The following NFATC4 variants were observed in gnomAD, a reference collection of about 807,000 sequenced individuals.
NFATC4 encodes nuclear factor of activated T-cells, cytoplasmic 4.
In NFATC4, 25 loss-of-function variants were observed where a neutral mutation model predicts 73.4. The ratio of observed to expected loss-of-function variants is 0.34; its 90% CI spans 0.25 to 0.48. NFATC4 has a LOEUF of 0.48. Among genes scored for constraint, NFATC4 ranks in the 20% least tolerant of loss-of-function variants. NFATC4 has a pLI of 0.99. For synonymous variants in NFATC4, 523 were observed against 510.3 expected (o/e 1.02, Z -0.34); for missense variants, 1,130 against 1,203.7 (o/e 0.94, Z 0.91).
At chr14:24,368,175 G>T, upstream of NFATC4, 1 of 1,256,600 alleles carries the variant, frequency 8.0e-7, no homozygotes. Context: ...AAAAAGTTTG[G>T]AAAAGTTTCT....
At position 24,370,339 on chromosome 14, in the gene NFATC4, C is replaced by T. The variant is rs201320818; in HGVS notation, c.941C>T (p.Pro314Leu). The change falls in exon 2 of 10, where the codon CCC becomes CTC. Residue 314 changes from proline (P) to leucine (L), a missense_variant. Coordinates refer to ENST00000250373, the MANE Select transcript of NFATC4 (RefSeq NM_004554.5). ...PLARDPGSPG[P>L]FDYVGAPPAE... The stretch of plus-strand genomic sequence containing the variant: ...GCCCGGGACCCGGGCTCCCCTGGTC[C>T]CTTTGACTATGTGGGGGCCCCACCA... 9 of 1,613,548 alleles carry T rather than the reference C, an allele frequency of 5.6e-6. No individual in the cohort carries two copies. Among genetic ancestry groups the T allele is most frequent in the Non-Finnish European group, 7.6e-6 (9 of 1,179,808 alleles).
intron 3 of NFATC4, 85 bp downstream of exon 3, chr14:24,372,688 C>T (rs2042505071): frequency 6.5e-7 from 1 of 1,538,442 alleles, no homozygotes; most frequent in South Asian, 1.1e-5. Context: ...TGCCCTTTCC[C>T]ACACTCCCTC....
At chr14:24,367,502 A>T (rs1469022461), upstream of NFATC4, 15 of 1,535,160 alleles carry the variant, frequency 9.8e-6, 1 homozygote, top group South Asian at 9.5e-5. Context: ...GCCTAGGGAC[A>T]GTTCTCAAAG....
At position 24,369,544 on chromosome 14, in the gene NFATC4, G is replaced by C; in HGVS notation, c.146G>C (p.Gly49Ala). The C allele has an allele frequency of 6.2e-7, 1 of 1,610,122 alleles. No homozygotes were observed. The highest frequency in any genetic ancestry group is 8.5e-7 in the Non-Finnish European group (1 of 1,177,380). The change falls in exon 2 of 10, where the codon GGA becomes GCA. Residue 49 changes from glycine to alanine, a missense_variant. Gly to Ala is a moderately conservative substitution (Grantham distance 60, BLOSUM62 0). Around this residue, in one of 3 missense-constraint regions of NFATC4, gnomAD observed 585 missense variants for 574.3 expected, o/e 1.02. Coordinates refer to ENST00000250373, the MANE Select transcript of NFATC4 (RefSeq NM_004554.5). ...CCGCCATGCTGCCGTCTGGCCTTGG[G>C]AGAGCCCCCTCCCTATGGCGCTGCA... The part of the protein sequence containing the change: ...DAPPCCRLAL[G>A]EPPPYGAAPI...
rs773487308 is a variant in NFATC4, at chr14:24,376,067, A to T, written c.2022A>T (p.Lys674Asn). The T allele has an allele frequency of 3.1e-6, 5 of 1,614,000 alleles. No homozygotes were observed. The East Asian group carries it at 1.1e-4, about 36-fold the overall frequency. ...TTTATGTCTCCAATGGGCGGAGGAA[A>T]CGCAGTCCTACCCAGAGTTTCAGGT... ...VYFYVSNGRR[K>N]RSPTQSFRFL... Residue 674 changes from lysine to asparagine, a missense_variant, in exon 8 of 10, where the codon AAA (lysine) becomes AAT (asparagine). Lys to Asn is a moderately conservative substitution (Grantham distance 94, BLOSUM62 0). Coordinates refer to ENST00000250373, the MANE Select transcript of NFATC4 (RefSeq NM_004554.5). The surrounding 1 kb of genome is among the most constrained non-coding windows in gnomAD (Gnocchi z 5.0).
In NFATC4 at chr14:24,377,094, C is replaced by G. The variant is rs1412804855; in HGVS notation, c.2641+216C>G. On this transcript the variant is annotated intron_variant, in intron 9 of 9. Transcript: ENST00000250373. The surrounding 1 kb of genome is among the most constrained non-coding windows in gnomAD (Gnocchi z 4.2). ...GCATGGGGTAACTGTCTCAGCCTTT[C>G]TCCTGTCTCTGCCTCTGTCCTCTGC... is the stretch of plus-strand genomic sequence containing the variant. The G allele has an allele frequency of 8.3e-6, 11 of 1,322,812 alleles. No homozygotes were observed. The Admixed American group carries it at 2.2e-4, about 26-fold the overall frequency. 81.9% of individuals were successfully genotyped at this position (1,322,812 alleles called of 1,614,324 possible). A position where few individuals can be genotyped will look rare whatever the true frequency, so the allele number is the denominator to read the frequency against.
At chr14:24,375,575 C>G (rs1030581776) in intron 6 of NFATC4, 85 bp from the exon 7 acceptor site, 5 of 1,479,474 alleles carry the variant, frequency 3.4e-6, no homozygotes, top group Non-Finnish European at 4.6e-6. Flanking sequence ...GGCCTTGGCT[C>G]TAACAGGAGG....
chr14:24,373,881 C>G lies in NFATC4; in HGVS notation c.1732+14C>G. The G allele has an allele frequency of 3.7e-6, 6 of 1,613,852 alleles. No homozygotes were observed. Among genetic ancestry groups the G allele is most frequent in the Non-Finnish European group, 3.4e-6 (4 of 1,179,988 alleles). ...CCATCGAGTGCTGTGAGCAAAGAGG[C>G]CCTGGGCCATGTCTCTGTCTCTTGC... On this transcript the variant is annotated intron_variant, in intron 5 of 9. Coordinates refer to ENST00000250373, the MANE Select transcript of NFATC4 (RefSeq NM_004554.5). The surrounding 1 kb of genome is among the most constrained non-coding windows in gnomAD (Gnocchi z 4.7).
Position 24,379,002 on chromosome 14 carries a change from T to G in NFATC4, c.*1297T>G, listed in dbSNP as rs1314538926. 1 of 152,266 alleles carries G rather than the reference T, an allele frequency of 6.6e-6. No individual in the cohort carries two copies. The highest frequency in any genetic ancestry group is 2.4e-5 in the African/African-American group (1 of 41,426). 9.4% of individuals were successfully genotyped at this position (152,266 alleles called of 1,614,324 possible). A position where few individuals can be genotyped will look rare whatever the true frequency, so the allele number is the denominator to read the frequency against. ...AGGCTTGGCTGCAGGGGGACGTGCCTAAAAGACATTCCGGGCATTTGCACT... is the reference window on the plus strand; with the variant it reads ...AGGCTTGGCTGCAGGGGGACGTGCCGAAAAGACATTCCGGGCATTTGCACT... On this transcript the variant is annotated 3_prime_UTR_variant, in exon 10 of 10. Transcript: ENST00000250373.
chr14:24,369,145 T>C (rs888991405), intron 1 of NFATC4: 3 of 1,449,754 alleles, frequency 2.1e-6, no homozygotes, highest in Non-Finnish European at 2.7e-6. Context: ...CCGCTGCTAA[T>C]TGGGTTCATG....
Position 24,370,120 on chromosome 14 carries a change from G to T in NFATC4, c.722G>T (p.Arg241Leu). The T allele has an allele frequency of 6.2e-7, 1 of 1,603,472 alleles. No individual in the cohort carries two copies. The highest frequency in any genetic ancestry group is 8.5e-7 in the Non-Finnish European group (1 of 1,179,578). ...CTGTATGGTCCAAGCCCCGGAGGCC[G>T]AGGGCCAGAGGATAGCTGGCTACTC... ...WSLYGPSPGGRGPEDSWLLLS... is the reference protein window; with the variant it reads ...WSLYGPSPGGLGPEDSWLLLS... Residue 241 changes from arginine (R) to leucine (L), a missense_variant, in exon 2 of 10, where the codon CGA becomes CTA. By Grantham distance (102) the Arg-to-Leu change is moderately radical. Transcript: ENST00000250373.
At position 24,379,138 on chromosome 14, in the gene NFATC4, C is replaced by G. The variant is rs2042705237; in HGVS notation, c.*1433C>G. ...GGGGTGGGTGTGACAGAGGCTGGCT[C>G]TGGATTGGGGGACAACAGAACCAGA... is the stretch of plus-strand genomic sequence containing the variant. On this transcript the variant is annotated 3_prime_UTR_variant, in exon 10 of 10. Transcript: ENST00000250373. 6.6e-6 allele frequency: 1 copy of G among 152,376 alleles called. No individual in the cohort carries two copies. The highest frequency in any genetic ancestry group is 6.5e-5 in the Admixed American group (1 of 15,286). The allele number at this position is 152,376 out of a possible 1,614,324, so 9.4% of individuals were successfully genotyped here.
At chr14:24,375,303 C>A (rs758460580) in intron 6 of NFATC4, among the ~76,000 whole-genome samples, 3 of 152,116 alleles carry the variant, frequency 2.0e-5, no homozygotes, top group Admixed American at 2.0e-4. Flanking sequence ...TGCGTTCTGT[C>A]GAGCTAGGAC....
intron 7 of NFATC4, 27 bp downstream of exon 7, chr14:24,375,742 G>T (rs762969448): frequency 6.5e-7 from 1 of 1,540,328 alleles, no homozygotes; most frequent in Non-Finnish European, 8.8e-7. Flanking sequence ...GATACCTCCT[G>T]GGGGGCGGGG....
Position 24,368,355 on chromosome 14 carries a change from C to A in NFATC4, c.15C>A (p.Ser5Arg). 2 of 1,381,702 alleles carry A rather than the reference C, an allele frequency of 1.4e-6. No individual in the cohort carries two copies. The highest frequency in any genetic ancestry group is 9.4e-7 in the Non-Finnish European group (1 of 1,068,994). 85.6% of individuals were successfully genotyped at this position (1,381,702 alleles called of 1,614,324 possible). A position where few individuals can be genotyped will look rare whatever the true frequency, so the allele number is the denominator to read the frequency against. ...CTGCCGGATCCATGGGGGCGGCCAG[C>A]TGCGAGGATGAGGAGCTGGAATTTA... is the stretch of plus-strand genomic sequence containing the variant. Reference protein sequence around the residue: MGAASCEDEELEFKL... With the variant: MGAARCEDEELEFKL... The change falls in exon 1 of 10, where the codon AGC becomes AGA. Residue 5 changes from serine to arginine, a missense_variant. Around this residue, in one of 3 missense-constraint regions of NFATC4, gnomAD observed 585 missense variants for 574.3 expected, o/e 1.02. Coordinates refer to ENST00000250373, the MANE Select transcript of NFATC4 (RefSeq NM_004554.5).
In NFATC4 at chr14:24,370,228, C is replaced by A; in HGVS notation, c.830C>A (p.Pro277Gln). Residue 277 changes from proline to glutamine, a missense_variant, in exon 2 of 10, where the codon CCA becomes CAA. Transcript: ENST00000250373. ...GKRRYSSSGTPSSASPALSRR... is the reference protein window; with the variant it reads ...GKRRYSSSGTQSSASPALSRR... ...CGGCGCTATTCCAGCTCGGGAACCC[C>A]ATCTTCAGCCTCCCCAGCTCTGTCC... The A allele has an allele frequency of 1.2e-6, 2 of 1,611,744 alleles. No individual in the cohort carries two copies. The highest frequency in any genetic ancestry group is 4.5e-5 in the East Asian group (2 of 44,870).
In NFATC4 at chr14:24,375,696, A is replaced by G; in HGVS notation, c.1910A>G (p.Asn637Ser). 6.9e-7 allele frequency: 1 copy of G among 1,439,452 alleles called. No homozygotes were observed. The highest frequency in any genetic ancestry group is 9.3e-7 in the Non-Finnish European group (1 of 1,079,662). The allele number at this position is 1,439,452 out of a possible 1,614,324, so 89.2% of individuals were successfully genotyped here. ...CAATGGGAGGAGGAGGCCACAGTGA[A>G]CCGACTGCAGAGCAACGAGGTACCA... ...KLQWEEEATV[N>S]RLQSNEVTLT... Residue 637 changes from asparagine to serine, a missense_variant, in exon 7 of 10, where the codon AAC becomes AGC. By Grantham distance (46) the Asn-to-Ser change is conservative (BLOSUM62 1). Around this residue, in one of 3 missense-constraint regions of NFATC4, gnomAD observed 390 missense variants for 408.1 expected, o/e 0.96. Transcript: ENST00000250373.
upstream of NFATC4, chr14:24,366,984 GA>G: frequency 6.3e-7 from 1 of 1,595,360 alleles, no homozygotes; most frequent in Non-Finnish European, 8.6e-7. Flanking sequence ...GTGCGGCCCT[GA>G]ACCGGAGGGA....
At position 24,368,803 on chromosome 14, in the gene NFATC4, G is replaced by C. The variant is rs2042377922; in HGVS notation, c.100+363G>C. 7.2e-5 allele frequency among the ~76,000 whole-genome samples: 11 copies of C among 152,112 alleles called. No individual in the cohort carries two copies. The South Asian group carries it at 2.3e-3, about 32-fold the overall frequency. ...CCCCTGGCGGACCGAGCTCTGGCCC[G>C]GCCGACTGGACGCCCGGGGCTGGGG... On this transcript the variant is annotated intron_variant, in intron 1 of 9. Coordinates refer to ENST00000250373, the MANE Select transcript of NFATC4 (RefSeq NM_004554.5).
Sources: gnomAD v4.1 joint callset for allele counts (sites outside exome capture counted in the v4.1 genomes callset) on GRCh38, gnomAD v4.1.1 for gene constraint, gnomAD v4.1.1 regional missense constraint, Gnocchi (gnomAD v3.1) non-coding constraint, MANE v1.5 for transcripts, NCBI Gene and HGNC (gene_info 2026-07-23, HGNC 2026-07-21) for gene names.